The following PPP4R3B variants were observed in gnomAD, a reference collection of about 807,000 sequenced individuals.
The protein encoded by PPP4R3B is serine/threonine-protein phosphatase 4 regulatory subunit 3B.
A neutral mutation model predicts 95.4 loss-of-function variants in PPP4R3B; 52 were observed. The observed-to-expected ratio is 0.54, with a 90% CI of 0.44 to 0.69. The LOEUF (loss-of-function observed/expected upper bound fraction) is 0.69. Among genes scored for constraint, PPP4R3B ranks in the 30% least tolerant of loss-of-function variants. The probability of loss-of-function intolerance (pLI) is 0.00; values close to 1 mark genes in which losing one functional copy is unlikely to be tolerated. For missense variants in PPP4R3B, 1,003 were observed against 1,005.9 expected (o/e 1.00, Z 0.04); for synonymous variants, 407 against 343.9 (o/e 1.18, Z -2.03).
chr2:55,577,966 C>A (rs1222147363), intron 10 of PPP4R3B, among the ~76,000 whole-genome samples: 1 of 151,984 alleles, frequency 6.6e-6, no homozygotes, highest in Non-Finnish European at 1.5e-5. Flanking sequence ...AACAAATGCA[C>A]ATTAGAGGCA....
chr2:55,558,953 T>C lies in PPP4R3B; in HGVS notation c.2276A>G (p.Asp759Gly). 1 of 1,606,784 alleles carries C rather than the reference T, an allele frequency of 6.2e-7. No individual in the cohort carries two copies. The highest frequency in any genetic ancestry group is 8.5e-7 in the Non-Finnish European group (1 of 1,177,534). The change falls in exon 16 of 17, where the codon GAC becomes GGC. Residue 759 changes from aspartate (D) to glycine (G), a missense_variant. Asp to Gly is a moderately conservative substitution (Grantham distance 94). This residue lies in a region of PPP4R3B where 229 missense variants were observed against 194.7 expected (regional missense o/e 1.18). Coordinates refer to ENST00000616407, the MANE Select transcript of PPP4R3B (RefSeq NM_001122964.3). ...METKKAKESEDKENLPKRTSP... is the reference protein window; with the variant it reads ...METKKAKESEGKENLPKRTSP... The stretch of plus-strand genomic sequence containing the variant: ...TGTCCTTTTGGGAAGGTTTTCCTTG[T>C]CTTCACTTTCTTTTGCTAAAGCAAA...
At chr2:55,576,835 G>A (rs1347148028) in intron 11 of PPP4R3B, among the ~76,000 whole-genome samples, 1 of 152,184 alleles carries the variant, frequency 6.6e-6, no homozygotes, top group Non-Finnish European at 1.5e-5. Flanking sequence ...ATTTGAAACT[G>A]GCTCCCCTTT....
chr2:55,617,168 G>C lies in PPP4R3B; in HGVS notation c.118C>G (p.Leu40Val), dbSNP rs773128795. 2 of 1,613,420 alleles carry C rather than the reference G, an allele frequency of 1.2e-6. No individual in the cohort carries two copies. The highest frequency in any genetic ancestry group is 1.7e-6 in the Non-Finnish European group (2 of 1,179,764). ...TYVEELKGMSLLVRAESDGSL... is the reference protein window; with the variant it reads ...TYVEELKGMSVLVRAESDGSL... Reference sequence around the variant, plus strand: ...CCGTCGGACTCTGCCCGAACCAGCAGCGACATCCCCTTGAGCTCCTCCACG... The same window carrying C: ...CCGTCGGACTCTGCCCGAACCAGCACCGACATCCCCTTGAGCTCCTCCACG... The change falls in exon 1 of 17, where the codon CTG (leucine) becomes GTG (valine). Residue 40 changes from leucine (L) to valine (V), a missense_variant. Leu to Val is a conservative substitution (Grantham distance 32). Transcript: ENST00000616407.
intron 3 of PPP4R3B, among the ~76,000 whole-genome samples, chr2:55,602,285 G>A (rs1379417620): frequency 6.6e-6 from 1 of 152,212 alleles, no homozygotes; most frequent in Non-Finnish European, 1.5e-5. Context: ...AAATGTAGAT[G>A]CTCACACAAA....
chr2:55,611,732 CAATTTTTTTTTTTG>C (rs929323222), intron 2 of PPP4R3B, among the ~76,000 whole-genome samples: 6 of 151,986 alleles, frequency 3.9e-5, no homozygotes, highest in African/African-American at 1.5e-4. Context: ...TGAATTTACT[CAATTTTTTTTTTTG>C]AGACAGAAAA....
At chr2:55,609,681 A>C (rs962541118) in intron 2 of PPP4R3B, among the ~76,000 whole-genome samples, 19 of 149,428 alleles carry the variant, frequency 1.3e-4, no homozygotes, top group East Asian at 6.1e-4. Flanking sequence ...AAAAAAAAAA[A>C]CAAAAAAAAC....
At position 55,549,685 on chromosome 2, in the gene PPP4R3B, G is replaced by C; in HGVS notation, c.*226C>G. 2.1e-6 allele frequency: 1 copy of C among 481,372 alleles called. No homozygotes were observed. The highest frequency in any genetic ancestry group is 2.7e-5 in the South Asian group (1 of 36,992). The allele number at this position is 481,372 out of a possible 1,614,324, so 29.8% of individuals were successfully genotyped here. The stretch of plus-strand genomic sequence containing the variant: ...TCCCAGGTTCTGGTTACTAATGTTT[G>C]TTTTGACAGCCTAAAAGGCAAACCC... On this transcript the variant is annotated 3_prime_UTR_variant, in exon 17 of 17. Coordinates refer to ENST00000616407, the MANE Select transcript of PPP4R3B (RefSeq NM_001122964.3).
intron 11 of PPP4R3B, among the ~76,000 whole-genome samples, chr2:55,575,162 G>C (rs906767258): frequency 6.6e-6 from 1 of 151,604 alleles, no homozygotes; most frequent in Non-Finnish European, 1.5e-5. Flanking sequence ...GGATGGTCTC[G>C]ATCTCCTGAC....
Position 55,548,353 on chromosome 2 carries a change from A to G in PPP4R3B, c.*1558T>C, listed in dbSNP as rs780123434. 21 of 152,664 alleles carry G rather than the reference A, an allele frequency of 1.4e-4. No homozygotes were observed. The highest frequency in any genetic ancestry group is 7.3e-5 in the Non-Finnish European group (5 of 68,032). 9.5% of individuals were successfully genotyped at this position (152,664 alleles called of 1,614,324 possible). ...AAAATGGAGTTAATTTATATTTACA[A>G]CAAACCAAACACAAACATCAATTAT... On this transcript the variant is annotated 3_prime_UTR_variant, in exon 17 of 17. Transcript: ENST00000616407.
rs146676870 is a variant in PPP4R3B at position 55,551,053 on chromosome 2, A to G, written c.2455-1047T>C. On this transcript the variant is annotated intron_variant, in intron 16 of 16. Coordinates refer to ENST00000616407, the MANE Select transcript of PPP4R3B (RefSeq NM_001122964.3). ...TGACACCACGTTTTATGTAAAAAAA[A>G]ACAAAAACAAAAACAAAACTTTGGG... Among the ~76,000 whole-genome samples the G allele has an allele frequency of 1.7e-3, 266 of 152,290 alleles. 1 individual carries two copies. Among genetic ancestry groups the G allele is most frequent in the African/African-American group, 6.0e-3 (250 of 41,556 alleles).
At chr2:55,573,817 A>T in intron 11 of PPP4R3B, 40 bp from the exon 12 acceptor site, 1 of 1,283,878 alleles carries the variant, frequency 7.8e-7, no homozygotes, top group South Asian at 1.6e-5. Flanking sequence ...AATATTGAAT[A>T]TATCTAAATA....
At chr2:55,569,585 C>T (rs1262199518) in intron 12 of PPP4R3B, among the ~76,000 whole-genome samples, 5 of 152,096 alleles carry the variant, frequency 3.3e-5, no homozygotes, top group African/African-American at 1.2e-4. Context: ...TCTCTTTCTC[C>T]TCTCTCTGCC....
In PPP4R3B at chr2:55,617,348, C is replaced by T; in HGVS notation, c.-63G>A. 6.8e-7 allele frequency: 1 copy of T among 1,470,474 alleles called. No homozygotes were observed. Among genetic ancestry groups the T allele is most frequent in the Non-Finnish European group, 9.1e-7 (1 of 1,104,674 alleles). The allele number at this position is 1,470,474 out of a possible 1,614,324, so 91.1% of individuals were successfully genotyped here. On this transcript the variant is annotated 5_prime_UTR_variant, in exon 1 of 17. It adds an upstream start codon to the 5' untranslated region. Transcript: ENST00000616407. Reference sequence around the variant, plus strand: ...TCGCTTACCTCGTCCGCGCTCCTCACTCTTAGGAGACGGTAAAGGCAGTAG... The same window carrying T: ...TCGCTTACCTCGTCCGCGCTCCTCATTCTTAGGAGACGGTAAAGGCAGTAG...
At position 55,568,259 on chromosome 2, in the gene PPP4R3B, C is replaced by A. The variant is rs1474291624; in HGVS notation, c.1870G>T (p.Asp624Tyr). Residue 624 changes from aspartate (D) to tyrosine (Y), a missense_variant, in exon 13 of 17, where the codon GAT becomes TAT. Transcript: ENST00000616407. ...LFEPVINALL[D>Y]NGTRYNLLNS... ...AACAGATTATACCGAGTTCCATTAT[C>A]CAGAAGTGCATTTATAACTGGCTCA... 6.2e-7 allele frequency: 1 copy of A among 1,610,206 alleles called. No individual in the cohort carries two copies. Among genetic ancestry groups the A allele is most frequent in the South Asian group, 1.1e-5 (1 of 90,282 alleles).
At chr2:55,559,697 C>A (rs1035021069) in intron 15 of PPP4R3B, among the ~76,000 whole-genome samples, 3 of 152,144 alleles carry the variant, frequency 2.0e-5, no homozygotes, top group African/African-American at 7.2e-5. Context: ...TGAGGCCTCC[C>A]CAGCTATGTG....
At chr2:55,605,954 A>G (rs918133974) in intron 2 of PPP4R3B, among the ~76,000 whole-genome samples, 1 of 151,780 alleles carries the variant, frequency 6.6e-6, no homozygotes, top group African/African-American at 2.4e-5. Context: ...CATCATCCAC[A>G]AAAGTTTTCA....
At chr2:55,612,688 T>C (rs558040394) in intron 2 of PPP4R3B, among the ~76,000 whole-genome samples, 1 of 152,172 alleles carries the variant, frequency 6.6e-6, no homozygotes, top group Non-Finnish European at 1.5e-5. Context: ...CTCACACCTG[T>C]AATCCCAGCA....
chr2:55,611,793 A>G (rs1486420006), intron 2 of PPP4R3B, among the ~76,000 whole-genome samples: 1 of 152,128 alleles, frequency 6.6e-6, no homozygotes, highest in African/African-American at 2.4e-5. Flanking sequence ...CAGTGGTACA[A>G]TCATGGCTTA....
At chr2:55,615,404 T>G in intron 2 of PPP4R3B, 47 bp downstream of exon 2, 1 of 1,354,418 alleles carries the variant, frequency 7.4e-7, no homozygotes, top group South Asian at 1.2e-5. Context: ...TAATACTTCC[T>G]TGATCACAGA....
Sources: gnomAD v4.1 joint callset for allele counts (sites outside exome capture counted in the v4.1 genomes callset) on GRCh38, gnomAD v4.1.1 for gene constraint, gnomAD v4.1.1 regional missense constraint, MANE v1.5 for transcripts, NCBI Gene and HGNC (gene_info 2026-07-23, HGNC 2026-07-21) for gene names.